The following IL15 variants were observed in gnomAD, a reference collection of about 807,000 sequenced individuals.
The protein encoded by IL15 is interleukin 15, also known as interleukin-15.
In IL15, 11 loss-of-function variants were observed where a neutral mutation model predicts 19.6. That is an observed-to-expected ratio of 0.56 (90% CI 0.35 to 0.93). IL15 has a LOEUF of 0.93. IL15 is among the 40% of genes least tolerant of loss of function. The probability of loss-of-function intolerance (pLI) is 0.01; values close to 1 mark genes in which losing one functional copy is unlikely to be tolerated. For synonymous variants in IL15, 58 were observed against 59.6 expected (o/e 0.97, Z 0.12); for missense variants, 197 against 186.5 (o/e 1.06, Z -0.33).
At chr4:141,721,141 A>T (rs1396718082) in intron 4 of IL15, 2 of 1,471,544 alleles carry the variant, frequency 1.4e-6, no homozygotes, top group Non-Finnish European at 1.9e-6. Context: ...TACTCTACTA[A>T]TGCCTTCATG....
In IL15 at chr4:141,685,409, A is replaced by C. The variant is rs573438790; in HGVS notation, c.-100+29102A>C. 1.4e-3 allele frequency among the ~76,000 whole-genome samples: 215 copies of C among 152,322 alleles called. 1 individual carries two copies. Among genetic ancestry groups the C allele is most frequent in the African/African-American group, 4.9e-3 (204 of 41,552 alleles). On this transcript the variant is annotated intron_variant, in intron 2 of 7. Transcript: ENST00000320650. ...AACAAGAGTCATAAAAGAGCAACAA[A>C]CCCTAAGCTGTGTTTAGAAAGAGGT...
intron 2 of IL15, among the ~76,000 whole-genome samples, chr4:141,659,280 G>A (rs1727711395): frequency 6.6e-6 from 1 of 150,944 alleles, no homozygotes; most frequent in Non-Finnish European, 1.5e-5. Flanking sequence ...TTGGCTCACT[G>A]CAACCTTTGC....
In IL15 at chr4:141,729,958, G is replaced by A. The variant is rs143498316; in HGVS notation, c.352G>A (p.Ala118Thr). ...TACAGTAGAAAATCTGATCATCCTA[G>A]CAAACAACAGTTTGTCTTCTAATGG... ...HDTVENLIIL[A>T]NNSLSSNGNV... The change falls in exon 7 of 8, where the codon GCA (alanine) becomes ACA (threonine). Residue 118 changes from alanine to threonine, a missense_variant. Transcript: ENST00000320650. 4 of 1,608,646 alleles carry A rather than the reference G, an allele frequency of 2.5e-6. No individual in the cohort carries two copies. The highest frequency in any genetic ancestry group is 3.4e-6 in the Non-Finnish European group (4 of 1,175,420).
rs187039019 is a variant in IL15, at chr4:141,655,510, G to A, written c.-221-676G>A. Among the ~76,000 whole-genome samples the A allele has an allele frequency of 5.8e-4, 88 of 152,084 alleles. No homozygotes were observed. The Middle Eastern group carries it at 0.027, about 47-fold the overall frequency. ...TTCATGCGGATTCTTGGATCATACT[G>A]AAATTTGATTAAGATGTTTCTTAAT... is the stretch of plus-strand genomic sequence containing the variant. On this transcript the variant is annotated intron_variant, in intron 1 of 7. Transcript: ENST00000320650.
At chr4:141,671,263 A>G (rs954820560) in intron 2 of IL15, among the ~76,000 whole-genome samples, 24 of 152,178 alleles carry the variant, frequency 1.6e-4, no homozygotes, top group African/African-American at 5.8e-4. Context: ...CCAGATAATA[A>G]TAATAATACA....
intron 2 of IL15, among the ~76,000 whole-genome samples, chr4:141,693,016 C>CAAAAAAAAAAAAAAAA (rs70949131): frequency 0.16 from 3,657 of 23,204 alleles, 1,109 homozygotes; most frequent in Non-Finnish European, 0.2. Flanking sequence ...GACTCCGTCT[C>CAAAAAAAAAAAAAAAA]AAAAAAAAAA....
intron 1 of IL15, among the ~76,000 whole-genome samples, chr4:141,655,563 C>A (rs1727561130): frequency 6.6e-6 from 1 of 151,928 alleles, no homozygotes; most frequent in African/African-American, 2.4e-5. Flanking sequence ...AGTTATACTA[C>A]TTTACTTTTT....
chr4:141,666,261 C>T (rs1337347211), intron 2 of IL15, among the ~76,000 whole-genome samples: 2 of 152,010 alleles, frequency 1.3e-5, no homozygotes, highest in Non-Finnish European at 2.9e-5. Context: ...CCACTAGGTC[C>T]CCGGGCGTGG....
At chr4:141,693,285 C>A (rs1177309517) in intron 2 of IL15, among the ~76,000 whole-genome samples, 3 of 152,008 alleles carry the variant, frequency 2.0e-5, no homozygotes, top group Admixed American at 2.0e-4. Flanking sequence ...CTTCATGGTC[C>A]AATCACCCCC....
At chr4:141,715,895 G>A (rs571294683) in intron 2 of IL15, 1 of 152,314 alleles carries the variant, frequency 6.6e-6, no homozygotes, top group South Asian at 2.1e-4. Flanking sequence ...GGTATAGAAT[G>A]TAAGATGTTT....
chr4:141,690,141 G>A (rs1036986748), intron 2 of IL15, among the ~76,000 whole-genome samples: 1 of 152,142 alleles, frequency 6.6e-6, no homozygotes, highest in Non-Finnish European at 1.5e-5. Flanking sequence ...ACGGCCAGCC[G>A]TCTGCTCCGA....
At position 141,645,605 on chromosome 4, in the gene IL15, G is replaced by A. The variant is rs1257590290; in HGVS notation, c.-222+8857G>A. The stretch of plus-strand genomic sequence containing the variant: ...CACTCAGTCTCATAGTAGTTTCAAT[G>A]TCAATTACTAATTTCCATATAATAG... On this transcript the variant is annotated intron_variant, in intron 1 of 7. Coordinates refer to ENST00000320650, the MANE Select transcript of IL15 (RefSeq NM_000585.5). Among the ~76,000 whole-genome samples, 6 of 152,080 alleles carry A rather than the reference G, an allele frequency of 3.9e-5. No homozygotes were observed. The East Asian group carries it at 1.2e-3, about 29-fold the overall frequency.
chr4:141,688,501 G>A (rs186202562), intron 2 of IL15, among the ~76,000 whole-genome samples: 1 of 152,272 alleles, frequency 6.6e-6, no homozygotes, highest in East Asian at 1.9e-4. Context: ...TATAATTGCT[G>A]TATGTTAGCT....
chr4:141,693,227 C>T (rs1728982955), intron 2 of IL15, among the ~76,000 whole-genome samples: 1 of 151,932 alleles, frequency 6.6e-6, no homozygotes, highest in African/African-American at 2.4e-5. Flanking sequence ...ACTATCAGAT[C>T]TTGTGAGAGC....
intron 5 of IL15, among the ~76,000 whole-genome samples, chr4:141,725,975 C>A (rs1238150192): frequency 6.6e-6 from 1 of 152,102 alleles, no homozygotes; most frequent in Non-Finnish European, 1.5e-5. Context: ...TGGCGAGGGG[C>A]TGAATGTACT....
rs752801925 is a variant in IL15, at chr4:141,720,536, C to A, written c.80C>A (p.Thr27Asn). ...TTACTTCTAAACAGTCATTTTCTAA[C>A]TGAAGCTGGCATTCATGTCTTCATT... The part of the protein sequence containing the change: ...LCLLLNSHFL[T>N]EAGIHVFILG... Residue 27 changes from threonine (T) to asparagine (N), a missense_variant, in exon 4 of 8, where the codon ACT becomes AAT. Physicochemically the swap from Thr to Asn is moderately conservative, Grantham distance 65 (BLOSUM62 0). Coordinates refer to ENST00000320650, the MANE Select transcript of IL15 (RefSeq NM_000585.5). 2.9e-5 allele frequency: 46 copies of A among 1,585,968 alleles called. No homozygotes were observed. Among genetic ancestry groups the A allele is most frequent in the Admixed American group, 5.0e-5 (3 of 59,818 alleles).
intron 2 of IL15, among the ~76,000 whole-genome samples, chr4:141,658,886 G>C (rs939775383): frequency 6.8e-6 from 1 of 147,084 alleles, no homozygotes; most frequent in African/African-American, 2.5e-5. Context: ...TTGAGACAGA[G>C]TCTTGCTGTG....
At chr4:141,693,280 T>C (rs1477694009) in intron 2 of IL15, among the ~76,000 whole-genome samples, 3 of 152,080 alleles carry the variant, frequency 2.0e-5, no homozygotes, top group African/African-American at 4.8e-5. Flanking sequence ...ACTGCCTTCA[T>C]GGTCCAATCA....
chr4:141,695,385 A>G (rs982361631), intron 2 of IL15, among the ~76,000 whole-genome samples: 7 of 147,452 alleles, frequency 4.7e-5, no homozygotes, highest in African/African-American at 1.5e-4. Flanking sequence ...CTACAAGTTC[A>G]CATGTTCTCA....
Sources: gnomAD v4.1 joint callset for allele counts (sites outside exome capture counted in the v4.1 genomes callset) on GRCh38, gnomAD v4.1.1 for gene constraint, MANE v1.5 for transcripts, NCBI Gene and HGNC (gene_info 2026-07-23, HGNC 2026-07-21) for gene names.